Variants in EIF2D observed in about 807,000 individuals in gnomAD.
EIF2D encodes the protein hepatocellular carcinoma-associated antigen 56.
EIF2D carries 56 observed loss-of-function variants against 77.4 expected under a neutral mutation model. The ratio of observed to expected loss-of-function variants is 0.72; its 90% CI spans 0.58 to 0.90. The LOEUF (loss-of-function observed/expected upper bound fraction) is 0.90. Among genes scored for constraint, EIF2D ranks in the 40% least tolerant of loss-of-function variants. EIF2D has a pLI of 0.00. For synonymous variants in EIF2D, 230 were observed against 271.0 expected (o/e 0.85, Z 1.49); for missense variants, 574 against 706.5 (o/e 0.81, Z 2.13).
intron 6 of EIF2D, 156 bp from the exon 7 acceptor site, chr1:206,602,609 C>T (rs1419368295): frequency 7.2e-6 from 5 of 692,120 alleles, no homozygotes; most frequent in Middle Eastern, 3.0e-4. Flanking sequence ...GAGCACTGAG[C>T]CTTTAAAGAG....
chr1:206,603,302 G>A, intron 5 of EIF2D, 98 bp from the exon 6 acceptor site: 1 of 1,511,332 alleles, frequency 6.6e-7, no homozygotes, highest in South Asian at 1.3e-5. Flanking sequence ...ACAGCAGAGA[G>A]CCAACAGGCA....
intron 2 of EIF2D, chr1:206,583,627 T>C (rs2103570224): frequency 2.1e-6 from 1 of 476,956 alleles, no homozygotes. Flanking sequence ...TAACTCCTCC[T>C]CTGAGCTTCA....
chr1:206,609,328 G>T (rs375988077), intron 3 of EIF2D, 48 bp downstream of exon 3: 11 of 1,559,006 alleles, frequency 7.1e-6, no homozygotes, highest in Non-Finnish European at 9.7e-6. Flanking sequence ...GTTGGCTTTT[G>T]CTAAGTAGGT....
At chr1:206,602,892 T>C (rs1233150546) in intron 6 of EIF2D, 59 bp downstream of exon 6, 1 of 1,585,794 alleles carries the variant, frequency 6.3e-7, no homozygotes, top group African/African-American at 1.4e-5. Flanking sequence ...GGAGTGGAGT[T>C]CGTCAGGCTC....
At chr1:206,593,504 A>AGTGTGTGTGTGC (rs1476375070) in intron 14 of EIF2D, 115 bp downstream of exon 14, 136 of 404,360 alleles carry the variant, frequency 3.4e-4, no homozygotes, top group African/African-American at 2.0e-3. Context: ...AGAGAGAGAG[A>AGTGTGTGTGTGC]GAGAGTGTGT....
chr1:206,578,908 T>A (rs890906729), intron 4 of EIF2D, among the ~76,000 whole-genome samples: 1 of 152,138 alleles, frequency 6.6e-6, no homozygotes, highest in South Asian at 2.1e-4. Context: ...GTTGCTTTAG[T>A]GATAAAATAA....
intron 4 of EIF2D, among the ~76,000 whole-genome samples, chr1:206,607,812 A>T (rs879954339): frequency 2.6e-5 from 4 of 152,130 alleles, no homozygotes; most frequent in Non-Finnish European, 5.9e-5. Flanking sequence ...AAAACTGGGG[A>T]AATATGAATA....
Position 206,579,672 on chromosome 1 carries a change from T to A in EIF2D, c.*254+1020A>T, listed in dbSNP as rs1359894799. On this transcript the variant is annotated intron_variant and NMD_transcript_variant, in intron 4 of 5. Transcript: ENST00000472709. The surrounding 1 kb of genome is among the most constrained non-coding windows in gnomAD (Gnocchi z 4.2). ...AAATCAACTAGGAGATTTTTAAAAT[T>A]CCCATGCCCAGACTGCACCCCAGAC... is the stretch of plus-strand genomic sequence containing the variant. Among the ~76,000 whole-genome samples the A allele has an allele frequency of 1.3e-5, 2 of 152,134 alleles. No homozygotes were observed. The highest frequency in any genetic ancestry group is 2.9e-5 in the Non-Finnish European group (2 of 68,008).
chr1:206,578,233 AGTGTGTGTGT>A (rs58059864), intron 4 of EIF2D, among the ~76,000 whole-genome samples: 1 of 117,494 alleles, frequency 8.5e-6, no homozygotes, highest in Non-Finnish European at 1.9e-5. Flanking sequence ...AAAAAAAAAA[AGTGTGTGTGT>A]GTGTGTGTGT....
chr1:206,586,251 C>G (rs1553407619), intron 2 of EIF2D: 1 of 154,250 alleles, frequency 6.5e-6, no homozygotes, highest in Non-Finnish European at 1.4e-5. Context: ...TTGGGTCAGC[C>G]TGATGGAAGT....
chr1:206,593,475 G>A (rs1334686708), intron 14 of EIF2D, 144 bp downstream of exon 14: 3 of 509,354 alleles, frequency 5.9e-6, no homozygotes, highest in Non-Finnish European at 9.4e-6. Flanking sequence ...TGGAGAGAGA[G>A]AGAGAGAGAG....
At chr1:206,597,629 C>A (rs138098374) in intron 11 of EIF2D, among the ~76,000 whole-genome samples, 1 of 151,768 alleles carries the variant, frequency 6.6e-6, no homozygotes, top group East Asian at 1.9e-4. Flanking sequence ...CCAGCCTGGC[C>A]AACATGGTAA....
At position 206,600,253 on chromosome 1, in the gene EIF2D, C is replaced by T. The variant is rs782249694; in HGVS notation, c.948+10G>A. On this transcript the variant is annotated intron_variant, in intron 8 of 14. Transcript: ENST00000271764. ...CTCTGCATGGGTCTGCAAAGAAGAT[C>T]CTTGCTTACCTTTTTGTAGCTTGAC... The T allele has an allele frequency of 6.2e-7, 1 of 1,613,802 alleles. No homozygotes were observed. The highest frequency in any genetic ancestry group is 8.5e-7 in the Non-Finnish European group (1 of 1,179,764).
In EIF2D at chr1:206,603,208, G is replaced by GA. The variant is rs781938156; in HGVS notation, c.531-5dup. On this transcript the variant is annotated splice_polypyrimidine_tract_variant and splice_region_variant and intron_variant, in intron 5 of 14. Transcript: ENST00000271764. ...AGAGGACTTGTTTCCAGACCGCCTG[G>GA]AAAAATCTCATGTCAGAAACATCAA... 1.2e-6 allele frequency: 2 copies of GA among 1,611,698 alleles called. No homozygotes were observed. The highest frequency in any genetic ancestry group is 1.1e-5 in the South Asian group (1 of 91,034).
rs1553406997 is a variant in EIF2D, at chr1:206,584,346, GCGGA to G, written c.139-3188_139-3185del. 1 of 1,567,594 alleles carries G rather than the reference GCGGA, an allele frequency of 6.4e-7. No homozygotes were observed. The highest frequency in any genetic ancestry group is 1.2e-5 in the South Asian group (1 of 82,900). ...CGAGTGGCAGATATGATCATGCAAG[GCGGA>G]CGGCCCTGACCCCCTGTGACATGCC... On this transcript the variant is annotated intron_variant and NMD_transcript_variant, in intron 2 of 5. Coordinates refer to the EIF2D transcript ENST00000472709. The surrounding 1 kb of genome is among the most constrained non-coding windows in gnomAD (Gnocchi z 4.9).
exon 3 of EIF2D, chr1:206,581,049 T>A (rs1422279619): frequency 1.3e-5 from 2 of 152,164 alleles, no homozygotes; most frequent in African/African-American, 2.4e-5. Context: ...GGTGGCTACA[T>A]GGTGAATTGA....
chr1:206,611,193 A>G lies in EIF2D; in HGVS notation c.238T>C (p.Tyr80His), dbSNP rs782085766. Residue 80 changes from tyrosine to histidine, a missense_variant, in exon 2 of 15, where the codon TAT becomes CAT. Tyr to His is a moderately conservative substitution (Grantham distance 83). Coordinates refer to ENST00000271764, the MANE Select transcript of EIF2D (RefSeq NM_006893.3). ...CGTCCTGTTGTCATACCTGTTGGATACAGATTTTTCTCCAGTTCAAAGAGG... is the reference window on the plus strand; with the variant it reads ...CGTCCTGTTGTCATACCTGTTGGATGCAGATTTTTCTCCAGTTCAAAGAGG... Reference protein sequence around the residue: ...PILFELEKNLYPTVYTLWSYP... With the variant: ...PILFELEKNLHPTVYTLWSYP... 1.2e-6 allele frequency: 2 copies of G among 1,612,998 alleles called. No individual in the cohort carries two copies. The highest frequency in any genetic ancestry group is 2.2e-5 in the South Asian group (2 of 90,998).
chr1:206,612,350 G>T lies in EIF2D; in HGVS notation c.-8C>A, dbSNP rs1670544943. The stretch of plus-strand genomic sequence containing the variant: ...AAAGGCCTTGGCAAACATGTCTGCT[G>T]GGGTGGCCTGGGGAAGAGAGCACAG... On this transcript the variant is annotated 5_prime_UTR_variant, in exon 1 of 15. Coordinates refer to ENST00000271764, the MANE Select transcript of EIF2D (RefSeq NM_006893.3). 6.2e-7 allele frequency: 1 copy of T among 1,614,252 alleles called. No individual in the cohort carries two copies. Among genetic ancestry groups the T allele is most frequent in the Admixed American group, 1.7e-5 (1 of 60,030 alleles).
chr1:206,570,438 A>T (rs1221285100), downstream of EIF2D, among the ~76,000 whole-genome samples: 2 of 152,096 alleles, frequency 1.3e-5, no homozygotes, highest in Non-Finnish European at 1.5e-5. Context: ...CGTTAAGTAT[A>T]ACCTCACATT....
Sources: gnomAD v4.1 joint callset for allele counts (sites outside exome capture counted in the v4.1 genomes callset) on GRCh38, gnomAD v4.1.1 for gene constraint, Gnocchi (gnomAD v3.1) non-coding constraint, MANE v1.5 for transcripts, NCBI Gene and HGNC (gene_info 2026-07-23, HGNC 2026-07-21) for gene names.